Variants in ACMSD observed in about 807,000 individuals in gnomAD.
ACMSD encodes aminocarboxymuconate semialdehyde decarboxylase.
In ACMSD, 37 loss-of-function variants were observed where a neutral mutation model predicts 45.9. The ratio of observed to expected loss-of-function variants is 0.81; its 90% CI spans 0.62 to 1.06. The LOEUF is 1.06. Among genes scored for constraint, ACMSD ranks in the 50% least tolerant of loss-of-function variants. The pLI is 0.00. For synonymous variants in ACMSD, 138 were observed against 148.8 expected, an observed-to-expected ratio of 0.93 and a Z score of 0.53; for missense variants, 434 against 420.9, an observed-to-expected ratio of 1.03 and a Z score of -0.27.
At chr2:134,893,192 C>T (rs1689895914) in intron 8 of ACMSD, among the ~76,000 whole-genome samples, 1 of 148,952 alleles carries the variant, frequency 6.7e-6, no homozygotes, top group African/African-American at 2.5e-5. Flanking sequence ...ACCTTTTCTT[C>T]CAATATATCA....
At position 134,870,449 on chromosome 2, in the gene ACMSD, T is replaced by TGA. The variant is rs555828071; in HGVS notation, c.581-507_581-506dup. On this transcript the variant is annotated intron_variant, in intron 6 of 9. Transcript: ENST00000356140. ...CTCACCATTTTACAGATGAGGAAAT[T>TGA]GAGAGAGAGACAGCTAATATTTTTG... 3.1e-3 allele frequency among the ~76,000 whole-genome samples: 467 copies of TGA among 152,214 alleles called. 1 individual carries two copies. Among genetic ancestry groups the TGA allele is most frequent in the African/African-American group, 0.011 (449 of 41,518 alleles).
intron 8 of ACMSD, among the ~76,000 whole-genome samples, chr2:134,896,768 T>C (rs1374291): frequency 0.58 from 88,912 of 151,988 alleles, 27,709 homozygotes; most frequent in Middle Eastern, 0.91. Context: ...ACTCACCATA[T>C]GCGCCAGCAC....
intron 8 of ACMSD, among the ~76,000 whole-genome samples, chr2:134,883,278 G>C (rs914181618): frequency 6.6e-5 from 10 of 151,650 alleles, no homozygotes; most frequent in African/African-American, 2.4e-4. Context: ...AAAAAAAACA[G>C]AAGAAATTTC....
At chr2:134,886,216 A>C (rs906456326) in intron 8 of ACMSD, among the ~76,000 whole-genome samples, 6 of 148,776 alleles carry the variant, frequency 4.0e-5, no homozygotes, top group Non-Finnish European at 5.9e-5. Context: ...AGTACTTGGC[A>C]AAATTCATTA....
At chr2:134,872,187 G>T (rs1688488480) in intron 7 of ACMSD, among the ~76,000 whole-genome samples, 1 of 152,078 alleles carries the variant, frequency 6.6e-6, no homozygotes, top group Non-Finnish European at 1.5e-5. Context: ...TCGATCTCCA[G>T]ACCTCATGAT....
At position 134,859,244 on chromosome 2, in the gene ACMSD, TG is replaced by T; in HGVS notation, c.103-14del. On this transcript the variant is annotated splice_polypyrimidine_tract_variant and intron_variant, in intron 2 of 9. Coordinates refer to ENST00000356140, the MANE Select transcript of ACMSD (RefSeq NM_138326.3). ...GGTCTTAGGTTGCATTTTAGTAATG[TG>T]GGTTTTCTGCCCCAGGGAGAAGCAA... The T allele has an allele frequency of 1.2e-6, 2 of 1,612,308 alleles. No individual in the cohort carries two copies. The highest frequency in any genetic ancestry group is 1.7e-6 in the Non-Finnish European group (2 of 1,178,462).
Position 134,870,687 on chromosome 2 carries a change from C to T in ACMSD, c.581-278C>T, listed in dbSNP as rs549952586. On this transcript the variant is annotated intron_variant, in intron 6 of 9. Coordinates refer to ENST00000356140, the MANE Select transcript of ACMSD (RefSeq NM_138326.3). ...GACTTGGCACACTCCATCTGTCCCA[C>T]TGCATCCCAAACTGAAGTCGGGGGA... Among the ~76,000 whole-genome samples, 7 of 152,306 alleles carry T rather than the reference C, an allele frequency of 4.6e-5. 1 individual carries two copies. The highest frequency in any genetic ancestry group is 4.6e-4 in the Admixed American group (7 of 15,306).
intron 8 of ACMSD, among the ~76,000 whole-genome samples, chr2:134,892,015 G>A (rs192902602): frequency 1.3e-5 from 2 of 152,164 alleles, no homozygotes. Flanking sequence ...CTTACAAGTG[G>A]GAGCTAAATA....
intron 8 of ACMSD, among the ~76,000 whole-genome samples, chr2:134,875,144 G>T (rs1688668116): frequency 6.6e-6 from 1 of 152,062 alleles, no homozygotes; most frequent in East Asian, 1.9e-4. Context: ...AGGACTACAG[G>T]TACACACCAC....
intron 8 of ACMSD, 111 bp downstream of exon 8, chr2:134,872,752 G>C: frequency 7.8e-7 from 1 of 1,282,474 alleles, no homozygotes; most frequent in Non-Finnish European, 1.1e-6. Context: ...AAAGGTATTA[G>C]ATGAAAGGAG....
intron 8 of ACMSD, among the ~76,000 whole-genome samples, chr2:134,885,401 T>TAC (rs1280917614): frequency 1.9e-4 from 23 of 119,512 alleles, no homozygotes; most frequent in East Asian, 1.3e-3. Flanking sequence ...TATATATATT[T>TAC]ATATATAAAA....
rs1369546695 is a variant in ACMSD at position 134,885,298 on chromosome 2, T to TA, written c.849+12658dup. Among the ~76,000 whole-genome samples, 2,068 of 91,076 alleles carry TA rather than the reference T, an allele frequency of 0.023. 98 individuals are homozygous for TA. The East Asian group carries it at 0.28, about 12-fold the overall frequency. The allele number at this position is 91,076 out of a possible 152,430, so 59.7% of individuals were successfully genotyped here. On this transcript the variant is annotated intron_variant, in intron 8 of 9. Transcript: ENST00000356140. ...ATATATTATATATTATATTTATATA[T>TA]ATATTTAAATATATATATATAAATA... is the stretch of plus-strand genomic sequence containing the variant.
At chr2:134,890,294 G>A (rs916634947) in intron 8 of ACMSD, among the ~76,000 whole-genome samples, 16 of 152,118 alleles carry the variant, frequency 1.1e-4, no homozygotes, top group South Asian at 4.1e-4. Context: ...TCCCAAATGC[G>A]TAATTTGTAC....
chr2:134,851,407 C>A (rs1289774195), intron 2 of ACMSD, among the ~76,000 whole-genome samples: 2 of 152,074 alleles, frequency 1.3e-5, no homozygotes, highest in East Asian at 1.9e-4. Context: ...CAGTCAGATA[C>A]TCCACTAATT....
chr2:134,885,585 A>G (rs1689390644), intron 8 of ACMSD, among the ~76,000 whole-genome samples: 2 of 150,578 alleles, frequency 1.3e-5, no homozygotes. Flanking sequence ...CATGTATCAG[A>G]GTTTTATTCT....
At chr2:134,871,162 G>A (rs1462202004) in intron 7 of ACMSD, 102 bp downstream of exon 7, 4 of 1,071,854 alleles carry the variant, frequency 3.7e-6, no homozygotes, top group Non-Finnish European at 5.5e-6. Context: ...CAGTCCTGGA[G>A]GCTAGAAGTC....
intron 1 of ACMSD, among the ~76,000 whole-genome samples, chr2:134,844,941 C>A (rs6430544): frequency 6.6e-6 from 1 of 152,130 alleles, no homozygotes; most frequent in Admixed American, 6.5e-5. Context: ...TTAGGTGGCA[C>A]ATGAACAATA....
At chr2:134,846,654 A>G (rs1687067445) in intron 2 of ACMSD, among the ~76,000 whole-genome samples, 1 of 152,118 alleles carries the variant, frequency 6.6e-6, no homozygotes, top group South Asian at 2.1e-4. Flanking sequence ...TGGTCCTCCC[A>G]CTTCAGCCTC....
chr2:134,876,885 G>A (rs1351901491), intron 8 of ACMSD, among the ~76,000 whole-genome samples: 2 of 152,148 alleles, frequency 1.3e-5, no homozygotes, highest in East Asian at 1.9e-4. Context: ...GGGTTCAAGC[G>A]ATTCTTGTGT....
Sources: allele counts gnomAD v4.1 joint callset (sites outside exome capture counted in the v4.1 genomes callset), GRCh38; gene constraint gnomAD v4.1.1; transcripts MANE v1.5; gene names NCBI Gene and HGNC (gene_info 2026-07-23, HGNC 2026-07-21).